The following PRDM6 variants were observed in gnomAD, a reference collection of about 807,000 sequenced individuals.
The protein encoded by PRDM6 is PR/SET domain 6, also known as putative histone-lysine N-methyltransferase PRDM6.
In PRDM6, 25 loss-of-function variants were observed where a neutral mutation model predicts 60.8. The ratio of observed to expected loss-of-function variants is 0.41; its 90% confidence interval spans 0.30 to 0.57. The LOEUF is 0.57. Ranked by LOEUF, PRDM6 falls within the 20% of genes least tolerant of loss-of-function variation. The pLI, the probability that PRDM6 is intolerant of heterozygous loss-of-function variation, is 0.27. For missense variants in PRDM6, 839 were observed against 821.3 expected (o/e 1.02, Z -0.26); for synonymous variants, 407 against 357.4 (o/e 1.14, Z -1.57).
At position 123,090,151 on chromosome 5, in the gene PRDM6, C is replaced by T; in HGVS notation, c.137C>T (p.Ala46Val). Residue 46 changes from alanine (A) to valine (V), a missense_variant, in exon 2 of 8, where the codon GCG becomes GTG. Ala to Val is a moderately conservative substitution (Grantham distance 64, BLOSUM62 0). Coordinates refer to ENST00000407847, the MANE Select transcript of PRDM6 (RefSeq NM_001136239.4). ...AGCGGCGCCGCGGGTCTCCTGAGCG[C>T]GCCGCAGCCTCTTCAGCCGCCGCCG... is the stretch of plus-strand genomic sequence containing the variant. ...KGSGAAGLLS[A>V]PQPLQPPPPP... The T allele has an allele frequency of 8.5e-6, 13 of 1,524,526 alleles. No homozygotes were observed. The highest frequency in any genetic ancestry group is 1.2e-5 in the South Asian group (1 of 81,956). The allele number at this position is 1,524,526 out of a possible 1,614,324, so 94.4% of individuals were successfully genotyped here.
At chr5:123,106,934 T>C (rs1764209429) in intron 3 of PRDM6, among the ~76,000 whole-genome samples, 1 of 152,210 alleles carries the variant, frequency 6.6e-6, no homozygotes, top group Non-Finnish European at 1.5e-5. Flanking sequence ...TTCCCTGACA[T>C]CTATAGCTGC....
intron 3 of PRDM6, among the ~76,000 whole-genome samples, chr5:123,127,942 T>G (rs1764730469): frequency 6.8e-6 from 1 of 146,112 alleles, no homozygotes; most frequent in Non-Finnish European, 1.5e-5. Context: ...TGACAGACCC[T>G]GGTGTGTGAT....
intron 5 of PRDM6, among the ~76,000 whole-genome samples, chr5:123,165,879 C>CT (rs1251937062): frequency 1.3e-5 from 2 of 152,144 alleles, no homozygotes. Context: ...AGCCTAAAAT[C>CT]TTTTTTTGGC....
rs1023405110 is a variant in PRDM6, at chr5:123,190,176, A to G, written c.*2975A>G. The G allele has an allele frequency of 6.6e-6, 1 of 152,158 alleles. No homozygotes were observed. The highest frequency in any genetic ancestry group is 1.5e-5 in the Non-Finnish European group (1 of 68,024). The allele number at this position is 152,158 out of a possible 1,614,324, so 9.4% of individuals were successfully genotyped here. ...AATCCTTCTTTACTCTTTTCTTTCA[A>G]TGGGGATAAAATAATAATAATTTTT... On this transcript the variant is annotated 3_prime_UTR_variant, in exon 8 of 8. Transcript: ENST00000407847.
At chr5:123,090,987 C>T (rs1763826664) in intron 2 of PRDM6, among the ~76,000 whole-genome samples, 2 of 152,132 alleles carry the variant, frequency 1.3e-5, no homozygotes, top group South Asian at 2.1e-4. Context: ...GTGTCTGGGT[C>T]AGGCCCTGCC....
At position 123,090,161 on chromosome 5, in the gene PRDM6, T is replaced by C; in HGVS notation, c.147T>C (p.Pro49=). 1 of 1,499,646 alleles carries C rather than the reference T, an allele frequency of 6.7e-7. No individual in the cohort carries two copies. The highest frequency in any genetic ancestry group is 2.9e-5 in the East Asian group (1 of 34,738). The allele number at this position is 1,499,646 out of a possible 1,614,324, so 92.9% of individuals were successfully genotyped here. A position where few individuals can be genotyped will look rare whatever the true frequency, so the allele number is the denominator to read the frequency against. Residue 49 remains proline (P), a synonymous_variant, in exon 2 of 8, where the codon CCT becomes CCC. Coordinates refer to ENST00000407847, the MANE Select transcript of PRDM6 (RefSeq NM_001136239.4). ...GAAGLLSAPQ[P]LQPPPPPPPP... ...CGGGTCTCCTGAGCGCGCCGCAGCCTCTTCAGCCGCCGCCGCCGCCCCCGC... is the reference window on the plus strand; with the variant it reads ...CGGGTCTCCTGAGCGCGCCGCAGCCCCTTCAGCCGCCGCCGCCGCCCCCGC...
chr5:123,158,664 G>A (rs534517604), intron 4 of PRDM6, among the ~76,000 whole-genome samples: 111 of 152,234 alleles, frequency 7.3e-4, no homozygotes, highest in Non-Finnish European at 1.1e-3. Context: ...CCTTATGTCT[G>A]CAGTGTTATA....
chr5:123,139,918 T>A (rs1201661190), intron 3 of PRDM6, among the ~76,000 whole-genome samples: 1 of 152,078 alleles, frequency 6.6e-6, no homozygotes, highest in South Asian at 2.1e-4. Flanking sequence ...AGGAAGGGCT[T>A]CTGTTTGATA....
intron 3 of PRDM6, among the ~76,000 whole-genome samples, chr5:123,141,027 T>C (rs544825410): frequency 8.2e-4 from 125 of 152,176 alleles, no homozygotes; most frequent in African/African-American, 3.0e-3. Context: ...CAAGGGTGAT[T>C]ATAGAAATTA....
In PRDM6 at chr5:123,159,519, A is replaced by T. The variant is rs1580527232; in HGVS notation, c.1034A>T (p.Asn345Ile). ...QNLTVVQYRS[N>I]IFYRACIDIP... ...TTTTCTTTTGTTTTGAATAGGTCGAATATATTCTACCGAGCCTGTATAGAT... is the reference window on the plus strand; with the variant it reads ...TTTTCTTTTGTTTTGAATAGGTCGATTATATTCTACCGAGCCTGTATAGAT... Residue 345 changes from asparagine (N) to isoleucine (I), a missense_variant, in exon 5 of 8, where the codon AAT becomes ATT. Physicochemically the swap from Asn to Ile is moderately radical, Grantham distance 149 (BLOSUM62 -3). Transcript: ENST00000407847. 1.3e-6 allele frequency: 2 copies of T among 1,551,268 alleles called. No homozygotes were observed. The highest frequency in any genetic ancestry group is 1.7e-6 in the Non-Finnish European group (2 of 1,146,706).
At chr5:123,165,844 C>T (rs559012868) in intron 5 of PRDM6, among the ~76,000 whole-genome samples, 2 of 152,248 alleles carry the variant, frequency 1.3e-5, no homozygotes, top group Admixed American at 6.5e-5. Flanking sequence ...GCCTTTAAAG[C>T]GTAAATCTGA....
At chr5:123,113,199 G>A (rs1764357038) in intron 3 of PRDM6, among the ~76,000 whole-genome samples, 1 of 152,080 alleles carries the variant, frequency 6.6e-6, no homozygotes. Flanking sequence ...GTAAAGTCCA[G>A]CGTTTACATT....
At chr5:123,158,481 C>A (rs1460060161) in intron 4 of PRDM6, among the ~76,000 whole-genome samples, 2 of 152,058 alleles carry the variant, frequency 1.3e-5, no homozygotes, top group African/African-American at 4.8e-5. Flanking sequence ...AGAATGGCAG[C>A]AAGTAAGGAA....
In PRDM6 at chr5:123,090,215, C is replaced by A. The variant is rs1182614216; in HGVS notation, c.201C>A (p.Asp67Glu). The A allele has an allele frequency of 2.4e-5, 36 of 1,472,792 alleles. No individual in the cohort carries two copies. The highest frequency in any genetic ancestry group is 3.1e-5 in the Non-Finnish European group (34 of 1,113,636). The allele number at this position is 1,472,792 out of a possible 1,614,324, so 91.2% of individuals were successfully genotyped here. ...PPPERAEPPP[D>E]SLRPRPASLS... ...CGGAGCGCGCTGAGCCTCCGCCGGA[C>A]AGCCTGCGCCCGCGGCCCGCCTCTC... Residue 67 changes from aspartate (D) to glutamate (E), a missense_variant, in exon 2 of 8, where the codon GAC becomes GAA. By Grantham distance (45) the Asp-to-Glu change is conservative (BLOSUM62 2). This residue lies in a region of PRDM6 where 730 missense variants were observed against 648.8 expected (regional missense o/e 1.13). Coordinates refer to ENST00000407847, the MANE Select transcript of PRDM6 (RefSeq NM_001136239.4).
At chr5:123,167,920 T>G (rs1765794195) in intron 5 of PRDM6, among the ~76,000 whole-genome samples, 1 of 152,220 alleles carries the variant, frequency 6.6e-6, no homozygotes, top group African/African-American at 2.4e-5. Flanking sequence ...AAAAGCTTAA[T>G]GTTGCCTAAA....
chr5:123,177,403 T>C (rs1766041268), intron 6 of PRDM6, among the ~76,000 whole-genome samples: 1 of 152,200 alleles, frequency 6.6e-6, no homozygotes, highest in South Asian at 2.1e-4. Context: ...TTCTAAATTC[T>C]ATACAGAATC....
chr5:123,184,851 T>C (rs892454234), intron 7 of PRDM6, among the ~76,000 whole-genome samples: 1 of 152,206 alleles, frequency 6.6e-6, no homozygotes, highest in Admixed American at 6.5e-5. Flanking sequence ...ACATAGATAT[T>C]ATTTCTGGTA....
intron 3 of PRDM6, among the ~76,000 whole-genome samples, chr5:123,121,450 A>G (rs1018829032): frequency 3.9e-5 from 6 of 152,060 alleles, no homozygotes; most frequent in Admixed American, 3.9e-4. Context: ...TGGTGCAATC[A>G]TAGCTCACTG....
chr5:123,160,748 A>G (rs71594333), intron 5 of PRDM6, among the ~76,000 whole-genome samples: 1,861 of 152,304 alleles, frequency 0.012, 18 homozygotes, highest in Middle Eastern at 0.054. Flanking sequence ...CCTAACCCCA[A>G]AACCAATCTC....
Sources: allele counts gnomAD v4.1 joint callset (sites outside exome capture counted in the v4.1 genomes callset), GRCh38; gene constraint gnomAD v4.1.1; regional missense constraint gnomAD v4.1.1; transcripts MANE v1.5; gene names NCBI Gene and HGNC (gene_info 2026-07-23, HGNC 2026-07-21).